PLEKHM2: variants seen among roughly 807,000 people sequenced by gnomAD.
PLEKHM2 encodes pleckstrin homology domain-containing family M member 2.
Under a neutral mutation model 116.3 loss-of-function variants are expected in PLEKHM2, and 77 were observed. The ratio of observed to expected loss-of-function variants is 0.66; its 90% confidence interval spans 0.55 to 0.80. The LOEUF is 0.80. Ranked by LOEUF, PLEKHM2 falls within the 30% of genes least tolerant of loss-of-function variation. PLEKHM2 has a pLI of 0.00. For missense variants in PLEKHM2, 1,183 were observed against 1,354.9 expected, an observed-to-expected ratio of 0.87 and a Z score of 1.99; for synonymous variants, 562 against 571.0, an observed-to-expected ratio of 0.98 and a Z score of 0.22.
At chr1:15,733,654 G>A (rs925403380) in intron 19 of PLEKHM2, 143 bp from the exon 20 acceptor site, 38 of 870,258 alleles carry the variant, frequency 4.4e-5, no homozygotes, top group African/African-American at 4.1e-4. Flanking sequence ...AACTAGCAGC[G>A]TGGAAGATGT....
At chr1:15,686,513 C>G (rs1299062648) in intron 1 of PLEKHM2, among the ~76,000 whole-genome samples, 1 of 152,036 alleles carries the variant, frequency 6.6e-6, no homozygotes. Flanking sequence ...CAGAGTCTTG[C>G]TCTGTTGCCT....
At chr1:15,682,055 C>T (rs527317060), upstream of PLEKHM2, among the ~76,000 whole-genome samples, 360 of 151,630 alleles carry the variant, frequency 2.4e-3, 1 homozygote, top group African/African-American at 8.1e-3. Flanking sequence ...AAATAAAATT[C>T]GCTGGGCGTA....
At position 15,732,139 on chromosome 1, in the gene PLEKHM2, A is replaced by C. The variant is rs2068153465; in HGVS notation, c.2625+91A>C. On this transcript the variant is annotated intron_variant, in intron 17 of 19. Coordinates refer to ENST00000375799, the MANE Select transcript of PLEKHM2 (RefSeq NM_015164.4). Reference sequence around the variant, plus strand: ...TCCCTAAACCCATAGTCACAGAGCAACCTGAGGGCCAAGACGGACCTCCAG... The same window carrying C: ...TCCCTAAACCCATAGTCACAGAGCACCCTGAGGGCCAAGACGGACCTCCAG... 3.1e-6 allele frequency: 4 copies of C among 1,290,280 alleles called. No individual in the cohort carries two copies. The East Asian group carries it at 9.8e-5, about 32-fold the overall frequency. The allele number at this position is 1,290,280 out of a possible 1,614,324, so 79.9% of individuals were successfully genotyped here.
Position 15,728,734 on chromosome 1 carries a change from G to T in PLEKHM2, c.1986+1G>T, listed in dbSNP as rs756380030. On this transcript the variant is annotated splice_donor_variant, in intron 12 of 19. Coordinates refer to ENST00000375799, the MANE Select transcript of PLEKHM2 (RefSeq NM_015164.4). LOFTEE classifies it high-confidence loss of function. This position sits in a 1 kb window ranked among gnomAD's most constrained non-coding sequence, Gnocchi z 5.9. ...TTACAATGAACTTGACTATGTGTCG[G>T]TGAGTCCAGGCCCCGCAGTTGTGCG... 6.2e-7 allele frequency: 1 copy of T among 1,607,152 alleles called. No homozygotes were observed. The highest frequency in any genetic ancestry group is 1.7e-5 in the Admixed American group (1 of 59,038).
chr1:15,727,990 G>A lies in PLEKHM2; in HGVS notation c.1761-89G>A. 3.2e-6 allele frequency: 4 copies of A among 1,254,536 alleles called. No homozygotes were observed. The highest frequency in any genetic ancestry group is 4.6e-6 in the Non-Finnish European group (4 of 874,838). 77.7% of individuals were successfully genotyped at this position (1,254,536 alleles called of 1,614,324 possible). The stretch of plus-strand genomic sequence containing the variant: ...TAACTTTGGCTCCTAGTGGGAGGCG[G>A]AGGCACTACCCCCTGGCTCTGGGGT... On this transcript the variant is annotated intron_variant, in intron 9 of 19. Transcript: ENST00000375799. The surrounding 1 kb of genome is among the most constrained non-coding windows in gnomAD (Gnocchi z 7.5).
chr1:15,693,644 T>A (rs1305074137), intron 1 of PLEKHM2, among the ~76,000 whole-genome samples: 1 of 152,154 alleles, frequency 6.6e-6, no homozygotes, highest in Admixed American at 6.5e-5. Context: ...TGGCTAACAC[T>A]CCGGAGCTTC....
intron 1 of PLEKHM2, among the ~76,000 whole-genome samples, chr1:15,694,364 A>C (rs1640948280): frequency 6.6e-6 from 1 of 152,010 alleles, no homozygotes; most frequent in African/African-American, 2.4e-5. Context: ...AAAAACACAA[A>C]AAACAAACAA....
rs576619315 is a variant in PLEKHM2, at chr1:15,701,004, T to C, written c.61-15233T>C. Among the ~76,000 whole-genome samples, 21 of 150,460 alleles carry C rather than the reference T, an allele frequency of 1.4e-4. No individual in the cohort carries two copies. The South Asian group carries it at 4.4e-3, about 31-fold the overall frequency. On this transcript the variant is annotated intron_variant, in intron 1 of 19. Transcript: ENST00000375799. ...GGTGGACGCCTGTAATCCCAGCTAC[T>C]CAGGAGGCTGAGGCAGGAGAATCGC...
chr1:15,705,170 CTTTTTTTTTT>C lies in PLEKHM2; in HGVS notation c.61-11049_61-11040del, dbSNP rs71306988. On this transcript the variant is annotated intron_variant, in intron 1 of 19. Coordinates refer to ENST00000375799, the MANE Select transcript of PLEKHM2 (RefSeq NM_015164.4). ...GTCCTTGATGTCTCCACGTAGATATCTTTTTTTTTTTTTTTTTTTTTTTTTTTGAGATGGG... is the reference window on the plus strand; with the variant it reads ...GTCCTTGATGTCTCCACGTAGATATCTTTTTTTTTTTTTTTTTGAGATGGG... 1.3e-3 allele frequency among the ~76,000 whole-genome samples: 98 copies of C among 74,070 alleles called. 5 individuals are homozygous for C. The East Asian group carries it at 0.027, about 20-fold the overall frequency. The allele number at this position is 74,070 out of a possible 152,430, so 48.6% of individuals were successfully genotyped here.
At chr1:15,705,821 G>C (rs1641215151) in intron 1 of PLEKHM2, among the ~76,000 whole-genome samples, 2 of 152,114 alleles carry the variant, frequency 1.3e-5, no homozygotes, top group Admixed American at 1.3e-4. Context: ...GCCGGATCTG[G>C]TGGCTCACGC....
Position 15,725,838 on chromosome 1 carries a change from C to T in PLEKHM2, c.941+293C>T, listed in dbSNP as rs183367783. 4 of 452,268 alleles carry T rather than the reference C, an allele frequency of 8.8e-6. No individual in the cohort carries two copies. In the Admixed American group the frequency reaches 1.5e-4, roughly 16 times the overall value. The allele number at this position is 452,268 out of a possible 1,614,324, so 28.0% of individuals were successfully genotyped here. ...AGGTCAGGGTGCCGGTGTGGCCAGC[C>T]TCTGATGAGGGATTCACAGATGTCC... On this transcript the variant is annotated intron_variant, in intron 8 of 19. Coordinates refer to ENST00000375799, the MANE Select transcript of PLEKHM2 (RefSeq NM_015164.4).
At chr1:15,706,475 G>A (rs1216325559) in intron 1 of PLEKHM2, among the ~76,000 whole-genome samples, 1 of 144,624 alleles carries the variant, frequency 6.9e-6, no homozygotes, top group Non-Finnish European at 1.5e-5. Context: ...GCACGATCTC[G>A]GCTCACTGCA....
chr1:15,733,900 G>A lies in PLEKHM2; in HGVS notation c.3026G>A (p.Cys1009Tyr). The A allele has an allele frequency of 6.2e-7, 1 of 1,612,840 alleles. No homozygotes were observed. The highest frequency in any genetic ancestry group is 8.5e-7 in the Non-Finnish European group (1 of 1,179,812). ...HSAWQRSDSL[C>Y]RGRASRDPWC ...GCCTGGCAGCGGAGCGACAGTCTCT[G>A]CCGCGGCCGAGCCTCCCGAGACCCC... The change falls in exon 20 of 20, where the codon TGC (cysteine) becomes TAC (tyrosine). Residue 1009 changes from cysteine to tyrosine, a missense_variant. Cys to Tyr is a radical substitution (Grantham distance 194). Transcript: ENST00000375799.
intron 1 of PLEKHM2, among the ~76,000 whole-genome samples, chr1:15,712,070 A>G (rs1274788929): frequency 6.7e-6 from 1 of 149,834 alleles, no homozygotes; most frequent in East Asian, 1.9e-4. Context: ...GTGAGCCGAG[A>G]TCACGCCACT....
intron 7 of PLEKHM2, among the ~76,000 whole-genome samples, chr1:15,722,337 T>G (rs1357387123): frequency 6.6e-6 from 1 of 152,122 alleles, no homozygotes; most frequent in Non-Finnish European, 1.5e-5. Context: ...AGAGACAGGG[T>G]TTCACCATGT....
upstream of PLEKHM2, among the ~76,000 whole-genome samples, chr1:15,682,639 A>G (rs1640671105): frequency 1.1e-5 from 1 of 87,618 alleles, no homozygotes; most frequent in African/African-American, 6.8e-5. Context: ...AAAACAAAAC[A>G]AAACAAAAAA....
intron 1 of PLEKHM2, among the ~76,000 whole-genome samples, chr1:15,702,509 A>G (rs906024125): frequency 2.0e-5 from 3 of 151,944 alleles, no homozygotes; most frequent in Admixed American, 2.0e-4. Context: ...TCCGCCTCCC[A>G]GGTTCAAGCA....
rs35537871 is a variant in PLEKHM2 at position 15,701,113 on chromosome 1, CA to C, written c.61-15108del. Among the ~76,000 whole-genome samples, 336 of 81,778 alleles carry C rather than the reference CA, an allele frequency of 4.1e-3. 11 individuals are homozygous for C. The East Asian group carries it at 0.092, about 22-fold the overall frequency. 53.6% of individuals were successfully genotyped at this position (81,778 alleles called of 152,430 possible). A position where few individuals can be genotyped will look rare whatever the true frequency, so the allele number is the denominator to read the frequency against. ...GGGCAACAAGAGTGAAACTCTGTCT[CA>C]AAAAAAAAAAAAAAAGGGGGTGGGG... is the stretch of plus-strand genomic sequence containing the variant. On this transcript the variant is annotated intron_variant, in intron 1 of 19. Coordinates refer to ENST00000375799, the MANE Select transcript of PLEKHM2 (RefSeq NM_015164.4).
chr1:15,691,264 G>T (rs1427385797), intron 1 of PLEKHM2, among the ~76,000 whole-genome samples: 1 of 152,060 alleles, frequency 6.6e-6, no homozygotes, highest in African/African-American at 2.4e-5. Flanking sequence ...TGGAGACAAG[G>T]TCTCACTATG....
Sources: allele counts gnomAD v4.1 joint callset (sites outside exome capture counted in the v4.1 genomes callset), GRCh38; gene constraint gnomAD v4.1.1; non-coding constraint Gnocchi (gnomAD v3.1); transcripts MANE v1.5; gene names NCBI Gene and HGNC (gene_info 2026-07-23, HGNC 2026-07-21).